Variants in ST8SIA6 observed in about 807,000 individuals in gnomAD.
ST8SIA6 encodes the protein ST8 alpha-N-acetyl-neuraminide alpha-2,8-sialyltransferase 6.
A neutral mutation model predicts 33.6 loss-of-function variants in ST8SIA6; 39 were observed. The ratio of observed to expected loss-of-function variants is 1.16; its 90% CI spans 0.90 to 1.52. The LOEUF (loss-of-function observed/expected upper bound fraction) is 1.52. Ranked by LOEUF, ST8SIA6 falls within the 40% of genes most tolerant of loss-of-function variation. The pLI is 0.00. For synonymous variants in ST8SIA6, 172 were observed against 167.2 expected, an observed-to-expected ratio of 1.03 and a Z score of -0.22; for missense variants, 441 against 443.8, an observed-to-expected ratio of 0.99 and a Z score of 0.06.
chr10:17,379,590 A>G (rs139549994), intron 3 of ST8SIA6, among the ~76,000 whole-genome samples: 2,488 of 152,214 alleles, frequency 0.016, 68 homozygotes, highest in African/African-American at 0.057. Flanking sequence ...CAGAAACTCA[A>G]AAGAATGCAA....
intron 2 of ST8SIA6, among the ~76,000 whole-genome samples, chr10:17,402,333 A>T (rs1851076891): frequency 6.6e-6 from 1 of 152,228 alleles, no homozygotes; most frequent in Admixed American, 6.5e-5. Flanking sequence ...TGTTGGTGGG[A>T]CTGTAAACTA....
chr10:17,337,303 G>A (rs1394227801), intron 4 of ST8SIA6, among the ~76,000 whole-genome samples: 4 of 152,056 alleles, frequency 2.6e-5, no homozygotes, highest in Non-Finnish European at 5.9e-5. Context: ...ACCCCATCTC[G>A]GTTATTTCTT....
intron 2 of ST8SIA6, among the ~76,000 whole-genome samples, chr10:17,394,909 GGCACAAGAGATA>G (rs1286617015): frequency 6.6e-6 from 1 of 152,166 alleles, no homozygotes; most frequent in Non-Finnish European, 1.5e-5. Flanking sequence ...ACAACATCGT[GGCACAAGAGATA>G]GCTGCAAGAC....
At chr10:17,427,490 G>T (rs1037183925) in intron 2 of ST8SIA6, among the ~76,000 whole-genome samples, 24 of 152,332 alleles carry the variant, frequency 1.6e-4, no homozygotes, top group African/African-American at 5.8e-4. Context: ...GATTCCAGAA[G>T]AGGCCTCTTC....
rs1484366259 is a variant in ST8SIA6, at chr10:17,318,763, A to C, written c.*2115T>G. On this transcript the variant is annotated 3_prime_UTR_variant, in exon 8 of 8. Transcript: ENST00000377602. ...GTGAAAAATTTGCAATGATTCACCA[A>C]TACAGAACAAAAAGAACTGTGACTT... 2.1e-6 allele frequency: 1 copy of C among 468,716 alleles called. No homozygotes were observed. Among genetic ancestry groups the C allele is most frequent in the South Asian group, 1.6e-5 (1 of 64,176 alleles). 29.0% of individuals were successfully genotyped at this position (468,716 alleles called of 1,614,324 possible). A position where few individuals can be genotyped will look rare whatever the true frequency, so the allele number is the denominator to read the frequency against.
chr10:17,363,479 A>G (rs1849462300), intron 3 of ST8SIA6, among the ~76,000 whole-genome samples: 1 of 152,200 alleles, frequency 6.6e-6, no homozygotes, highest in Non-Finnish European at 1.5e-5. Context: ...AACCTCTGCA[A>G]CTTAAAGAAT....
intron 2 of ST8SIA6, among the ~76,000 whole-genome samples, chr10:17,397,579 C>G (rs944398952): frequency 1.3e-5 from 2 of 152,182 alleles, no homozygotes; most frequent in African/African-American, 4.8e-5. Flanking sequence ...CAAAGACCTT[C>G]CATCCCCATC....
intron 2 of ST8SIA6, among the ~76,000 whole-genome samples, chr10:17,419,715 C>T (rs886870222): frequency 3.9e-5 from 6 of 152,204 alleles, no homozygotes; most frequent in African/African-American, 1.4e-4. Context: ...ATGCCATCTG[C>T]TCCAAACAGT....
chr10:17,325,391 C>G (rs111616439), intron 6 of ST8SIA6, among the ~76,000 whole-genome samples: 1 of 145,458 alleles, frequency 6.9e-6, no homozygotes, highest in African/African-American at 2.5e-5. Context: ...TTACAGTATA[C>G]GACAGTATAT....
At position 17,334,055 on chromosome 10, in the gene ST8SIA6, C is replaced by A. The variant is rs113883624; in HGVS notation, c.378-2503G>T. Among the ~76,000 whole-genome samples, 244 of 150,910 alleles carry A rather than the reference C, an allele frequency of 1.6e-3. 1 individual carries two copies. Among genetic ancestry groups the A allele is most frequent in the African/African-American group, 5.8e-3 (238 of 41,104 alleles). ...AAATCTCACTAGACTTCTAACTGGCCCTGGATTGTAGCATGGTGACTTGGC... is the reference window on the plus strand; with the variant it reads ...AAATCTCACTAGACTTCTAACTGGCACTGGATTGTAGCATGGTGACTTGGC... On this transcript the variant is annotated intron_variant, in intron 4 of 7. Transcript: ENST00000377602.
chr10:17,331,542 C>A lies in ST8SIA6; in HGVS notation c.388G>T (p.Ala130Ser), dbSNP rs367762433. The A allele has an allele frequency of 1.2e-5, 19 of 1,605,972 alleles. No individual in the cohort carries two copies. The African/African-American group carries it at 2.0e-4, about 17-fold the overall frequency. The stretch of plus-strand genomic sequence containing the variant: ...TTTTGAACAGCATCACAGCAGGAAG[C>A]AAGTTTGGCTCTGCAAAGGAAAAGG... ...EEYANFRAKL[A>S]SCCDAVQNFV... Residue 130 changes from alanine (A) to serine (S), a missense_variant, in exon 5 of 8, where the codon GCT becomes TCT. Physicochemically the swap from Ala to Ser is moderately conservative, Grantham distance 99. Coordinates refer to ENST00000377602, the MANE Select transcript of ST8SIA6 (RefSeq NM_001004470.3).
chr10:17,388,627 C>T (rs1460805855), intron 3 of ST8SIA6, among the ~76,000 whole-genome samples: 2 of 152,134 alleles, frequency 1.3e-5, no homozygotes, highest in Non-Finnish European at 2.9e-5. Context: ...TCAGCAATAC[C>T]TCTTACTGAA....
At chr10:17,334,321 C>G (rs1052559762) in intron 4 of ST8SIA6, among the ~76,000 whole-genome samples, 1 of 151,046 alleles carries the variant, frequency 6.6e-6, no homozygotes, top group African/African-American at 2.4e-5. Context: ...GGGCGGATCA[C>G]GAGGTCAGGA....
At chr10:17,330,280 T>C (rs76533503) in intron 5 of ST8SIA6, among the ~76,000 whole-genome samples, 3,928 of 152,280 alleles carry the variant, frequency 0.026, 69 homozygotes, top group African/African-American at 0.047. Flanking sequence ...TCTGGTCAGT[T>C]GAAAACATGG....
At chr10:17,350,672 C>A (rs988054507) in intron 4 of ST8SIA6, among the ~76,000 whole-genome samples, 21 of 150,754 alleles carry the variant, frequency 1.4e-4, no homozygotes, top group Non-Finnish European at 2.8e-4. Flanking sequence ...AGCAACACTT[C>A]TATACCTCAG....
intron 4 of ST8SIA6, among the ~76,000 whole-genome samples, chr10:17,345,064 A>G (rs1379509552): frequency 6.6e-6 from 1 of 152,212 alleles, no homozygotes; most frequent in African/African-American, 2.4e-5. Context: ...GCAAACAATT[A>G]GAACACGGTG....
At chr10:17,431,465 A>G (rs1852099450) in intron 2 of ST8SIA6, among the ~76,000 whole-genome samples, 1 of 152,160 alleles carries the variant, frequency 6.6e-6, no homozygotes, top group South Asian at 2.1e-4. Flanking sequence ...GGGGGGGGAA[A>G]GGGTGTGACT....
intron 3 of ST8SIA6, among the ~76,000 whole-genome samples, chr10:17,368,512 A>C (rs1055669759): frequency 1.4e-4 from 22 of 151,894 alleles, no homozygotes; most frequent in Non-Finnish European, 3.2e-4. Flanking sequence ...AGCATGTTAA[A>C]GTGCTAGGTA....
chr10:17,363,345 C>T (rs374073897), intron 3 of ST8SIA6, among the ~76,000 whole-genome samples: 7 of 152,028 alleles, frequency 4.6e-5, no homozygotes, highest in East Asian at 1.9e-4. Flanking sequence ...CCATGAGTAA[C>T]GCATACATTA....
Sources: allele counts gnomAD v4.1 joint callset (sites outside exome capture counted in the v4.1 genomes callset), GRCh38; gene constraint gnomAD v4.1.1; transcripts MANE v1.5; gene names NCBI Gene and HGNC (gene_info 2026-07-23, HGNC 2026-07-21).